The following BCLAF3 variants were observed in gnomAD, a reference collection of about 807,000 sequenced individuals.
BCLAF3 encodes BCLAF1 and THRAP3 family member 3.
A neutral mutation model predicts 51.2 loss-of-function variants in BCLAF3; 24 were observed. The observed-to-expected ratio is 0.47, with a 90% confidence interval of 0.34 to 0.66. The LOEUF (loss-of-function observed/expected upper bound fraction) is 0.66, where lower values mean the gene tolerates loss of function less well. BCLAF3 is among the 30% of genes least tolerant of loss of function. The pLI is 0.01. For synonymous variants in BCLAF3, 152 were observed against 176.6 expected (o/e 0.86, Z 1.10); for missense variants, 465 against 525.1 (o/e 0.89, Z 1.12).
chrX:19,930,243 G>A (rs1025167560), intron 10 of BCLAF3: 7 of 162,094 alleles, frequency 4.3e-5, no homozygotes, highest in Non-Finnish European at 6.9e-5. Context: ...CCTGGGAGGC[G>A]GACGTTGCAG....
intron 9 of BCLAF3, 174 bp downstream of exon 9, chrX:19,937,244 C>G (rs1050761511): frequency 2.3e-6 from 1 of 432,360 alleles, no homozygotes; most frequent in African/African-American, 2.5e-5. Flanking sequence ...CCTACTAAAT[C>G]AAGTAAGAAA....
intron 2 of BCLAF3, among the ~76,000 whole-genome samples, chrX:19,969,962 T>A (rs1205802230): frequency 1.8e-5 from 2 of 112,062 alleles, no homozygotes; most frequent in Non-Finnish European, 3.8e-5. Flanking sequence ...GCTCACTAAT[T>A]CAAAAAATGT....
At chrX:19,936,223 A>G (rs1450779999) in intron 9 of BCLAF3, among the ~76,000 whole-genome samples, 1 of 112,086 alleles carries the variant, frequency 8.9e-6, no homozygotes, top group Non-Finnish European at 1.9e-5. Context: ...GGCAGCTAGG[A>G]GAGAAATAAA....
intron 4 of BCLAF3, among the ~76,000 whole-genome samples, chrX:19,963,184 T>C (rs1376814951): frequency 1.8e-5 from 1 of 56,049 alleles, no homozygotes; most frequent in African/African-American, 3.2e-4. Flanking sequence ...AAGCTCCCTT[T>C]TTTTTTTTTT....
intron 4 of BCLAF3, among the ~76,000 whole-genome samples, chrX:19,962,240 G>A (rs1049350969): frequency 9.0e-6 from 1 of 111,398 alleles, no homozygotes; most frequent in East Asian, 2.8e-4. Context: ...GGAGTGCAGT[G>A]GCACAAACAT....
chrX:19,985,427 T>TA (rs1258712993), intron 1 of BCLAF3, among the ~76,000 whole-genome samples: 2 of 105,909 alleles, frequency 1.9e-5, no homozygotes, highest in Admixed American at 1.0e-4. Flanking sequence ...AAAAAATAAT[T>TA]AAAAAAAAAT....
chrX:19,940,647 C>T (rs2070990087), intron 8 of BCLAF3, among the ~76,000 whole-genome samples: 1 of 109,170 alleles, frequency 9.2e-6, no homozygotes. Flanking sequence ...ATATGTGCCA[C>T]ATTTTCTTAA....
intron 1 of BCLAF3, among the ~76,000 whole-genome samples, chrX:19,983,585 T>A (rs1039968664): frequency 9.2e-6 from 1 of 109,057 alleles, no homozygotes; most frequent in Non-Finnish European, 1.9e-5. Context: ...CATGGTGGCA[T>A]GCGCCTACGG....
At chrX:19,950,279 G>T (rs2071437785) in intron 8 of BCLAF3, among the ~76,000 whole-genome samples, 2 of 111,683 alleles carry the variant, frequency 1.8e-5, no homozygotes, top group African/African-American at 6.5e-5. Context: ...CCAAAAATGT[G>T]GATTTTTTTC....
Position 19,966,419 on chromosome X carries a change from T to C in BCLAF3, c.272A>G (p.Tyr91Cys). 8.3e-7 allele frequency: 1 copy of C among 1,211,723 alleles called. No homozygotes were observed. The highest frequency in any genetic ancestry group is 1.1e-6 in the Non-Finnish European group (1 of 895,386). Residue 91 changes from tyrosine to cysteine, a missense_variant, in exon 3 of 12, where the codon TAT becomes TGT. Tyr to Cys is a radical substitution (Grantham distance 194, BLOSUM62 -2). Coordinates refer to ENST00000379682, the MANE Select transcript of BCLAF3 (RefSeq NM_001367774.2). The part of the protein sequence containing the change: ...PNIRNSLENV[Y>C]MYKPHRGYSP... ...ATATCCTCTGTGAGGCTTATACATA[T>C]AAACATTTTCTAAAGAGTTTCTTAT...
chrX:19,915,298 T>TAC lies in BCLAF3; in HGVS notation c.*2005_*2006dup, dbSNP rs748347477. On this transcript the variant is annotated 3_prime_UTR_variant, in exon 12 of 12. Transcript: ENST00000379682. ...ATTCAACTAATATTTAATGAACTCTTACCACACGTCAAATAGGAAGCTGGG... is the reference window on the plus strand; with the variant it reads ...ATTCAACTAATATTTAATGAACTCTTACACCACACGTCAAATAGGAAGCTGGG... The TAC allele has an allele frequency of 1.8e-5, 2 of 111,712 alleles. No individual in the cohort carries two copies. The highest frequency in any genetic ancestry group is 9.6e-5 in the Admixed American group (1 of 10,436). 9.2% of individuals were successfully genotyped at this position (111,712 alleles called of 1,213,427 possible).
At chrX:19,947,170 C>CAAT (rs1210424118) in intron 8 of BCLAF3, among the ~76,000 whole-genome samples, 1 of 112,185 alleles carries the variant, frequency 8.9e-6, no homozygotes, top group African/African-American at 3.2e-5. Flanking sequence ...ATGACTACTG[C>CAAT]AATAGCAAGA....
intron 4 of BCLAF3, among the ~76,000 whole-genome samples, chrX:19,962,531 T>G (rs2071894279): frequency 8.9e-6 from 1 of 112,313 alleles, no homozygotes; most frequent in Non-Finnish European, 1.9e-5. Context: ...CATTTGATTG[T>G]ATATAATTTT....
Position 19,935,857 on chromosome X carries a change from T to C in BCLAF3, c.1902A>G (p.Pro634=). 8.3e-7 allele frequency: 1 copy of C among 1,210,645 alleles called. No individual in the cohort carries two copies. Among genetic ancestry groups the C allele is most frequent in the South Asian group, 1.8e-5 (1 of 56,929 alleles). ...TTCGGTGGTTTCCCTCAACCTCAAA[T>C]GGTTTGTGAGTAATTATGTCTTTTC... ...TQRKDIITHK[P]FEVEGNHRNT... The change falls in exon 10 of 12, where the codon CCA becomes CCG. Residue 634 remains proline (P), a synonymous_variant. Transcript: ENST00000379682.
At chrX:19,980,879 C>T (rs1055674982) in intron 1 of BCLAF3, among the ~76,000 whole-genome samples, 1 of 105,410 alleles carries the variant, frequency 9.5e-6, no homozygotes, top group Non-Finnish European at 1.9e-5. Flanking sequence ...GCAGAGGTTG[C>T]AGTGAGCCAA....
intron 8 of BCLAF3, among the ~76,000 whole-genome samples, chrX:19,939,373 CTGATGAG>C (rs1330349231): frequency 8.9e-6 from 1 of 111,961 alleles, no homozygotes; most frequent in Non-Finnish European, 1.9e-5. Flanking sequence ...AAGCATATAT[CTGATGAG>C]GGAGCTGTAT....
intron 1 of BCLAF3, among the ~76,000 whole-genome samples, chrX:19,974,264 A>C (rs1057422789): frequency 5.3e-5 from 6 of 112,695 alleles, no homozygotes; most frequent in Non-Finnish European, 7.5e-5. Flanking sequence ...ATAAAGTCGA[A>C]CATGCCCATA....
chrX:19,939,564 C>T (rs112494438), intron 8 of BCLAF3, among the ~76,000 whole-genome samples: 3,191 of 111,775 alleles, frequency 0.029, 63 homozygotes, highest in African/African-American at 0.065. Context: ...CACAATGAGA[C>T]ACCACTTTAC....
At chrX:19,930,573 G>A in intron 10 of BCLAF3, 1 of 223,722 alleles carries the variant, frequency 4.5e-6, no homozygotes, top group Non-Finnish European at 9.1e-6. Context: ...TGAGGTGGGA[G>A]ATAGCTTGAG....
Sources: gnomAD v4.1 joint callset for allele counts (sites outside exome capture counted in the v4.1 genomes callset) on GRCh38, gnomAD v4.1.1 for gene constraint, MANE v1.5 for transcripts, NCBI Gene and HGNC (gene_info 2026-07-23, HGNC 2026-07-21) for gene names.